VASH1: variants seen among roughly 807,000 people sequenced by gnomAD.
VASH1 encodes the protein tubulinyl-Tyr carboxypeptidase 1.
VASH1 carries 16 observed loss-of-function variants against 35.0 expected under a neutral mutation model. The ratio of observed to expected loss-of-function variants is 0.46; its 90% CI spans 0.31 to 0.70. VASH1 has a LOEUF of 0.70. VASH1 is among the 30% of genes least tolerant of loss of function. The pLI, the probability that VASH1 is intolerant of heterozygous loss-of-function variation, is 0.05. For synonymous variants in VASH1, 214 were observed against 200.9 expected, an observed-to-expected ratio of 1.07 and a Z score of -0.55; for missense variants, 505 against 510.7, an observed-to-expected ratio of 0.99 and a Z score of 0.11.
chr14:76,781,470 G>A lies in VASH1; in HGVS notation c.*2452G>A. On this transcript the variant is annotated 3_prime_UTR_variant, in exon 7 of 7. Transcript: ENST00000167106. The stretch of plus-strand genomic sequence containing the variant: ...GCTGCCGCTCAGGAGCAGGGGCGTG[G>A]CCTCAGCTGCCTCTGGGAGCTTCCC... 6.6e-6 allele frequency: 1 copy of A among 152,464 alleles called. No individual in the cohort carries two copies. Among genetic ancestry groups the A allele is most frequent in the Non-Finnish European group, 1.5e-5 (1 of 68,142 alleles). The allele number at this position is 152,464 out of a possible 1,614,324, so 9.4% of individuals were successfully genotyped here.
chr14:76,779,912 G>A lies in VASH1; in HGVS notation c.*894G>A, dbSNP rs879688605. 32 of 242,008 alleles carry A rather than the reference G, an allele frequency of 1.3e-4. No individual in the cohort carries two copies. The highest frequency in any genetic ancestry group is 8.4e-4 in the South Asian group (8 of 9,554). The allele number at this position is 242,008 out of a possible 1,614,324, so 15.0% of individuals were successfully genotyped here. The stretch of plus-strand genomic sequence containing the variant: ...GTGGCTGGACATGGGGTGATGGGGC[G>A]GGATGCTTGGGCCTGGGTCTCTCCG... On this transcript the variant is annotated 3_prime_UTR_variant, in exon 7 of 7. Transcript: ENST00000167106.
chr14:76,768,845 G>A (rs3783993), intron 1 of VASH1, among the ~76,000 whole-genome samples: 94,534 of 152,038 alleles, frequency 0.62, 30,324 homozygotes, highest in Non-Finnish European at 0.71. Flanking sequence ...GTGGAGGCTT[G>A]GGGGCAGGGG....
chr14:76,770,619 C>G (rs138899709), intron 2 of VASH1, among the ~76,000 whole-genome samples: 14 of 77,132 alleles, frequency 1.8e-4, no homozygotes, highest in African/African-American at 5.3e-4. Context: ...CCTGCTCTAG[C>G]CCCTGCACCC....
intron 3 of VASH1, 59 bp from the exon 4 acceptor site, chr14:76,773,078 A>C: frequency 6.4e-7 from 1 of 1,563,060 alleles, no homozygotes; most frequent in South Asian, 1.1e-5. Flanking sequence ...CCTCCTTCTC[A>C]CATTCCCCTG....
rs1249682709 is a variant in VASH1 at position 76,781,637 on chromosome 14, G to A, written c.*2619G>A. ...AAAATGAAGCCCTTACCTGCTTGCT[G>A]TCTGCAAGGGAGGGAGCCGAGCCCC... On this transcript the variant is annotated 3_prime_UTR_variant, in exon 7 of 7. Coordinates refer to ENST00000167106, the MANE Select transcript of VASH1 (RefSeq NM_014909.5). 1 of 152,518 alleles carries A rather than the reference G, an allele frequency of 6.6e-6. No homozygotes were observed. The highest frequency in any genetic ancestry group is 2.1e-4 in the South Asian group (1 of 4,838). 9.4% of individuals were successfully genotyped at this position (152,518 alleles called of 1,614,324 possible).
chr14:76,769,265 T>C, intron 1 of VASH1: 1 of 1,276,392 alleles, frequency 7.8e-7, no homozygotes, highest in South Asian at 1.3e-5. Context: ...ACTGTCTGGG[T>C]ACCTGGAAAC....
chr14:76,778,935 T>C lies in VASH1; in HGVS notation c.1026-11T>C. ...TCACTCTCCTCCCGCTCTGCTCTCTTCCTCCCACAGGCCCTCGGGTGACAA... is the reference window on the plus strand; with the variant it reads ...TCACTCTCCTCCCGCTCTGCTCTCTCCCTCCCACAGGCCCTCGGGTGACAA... On this transcript the variant is annotated splice_polypyrimidine_tract_variant and intron_variant, in intron 6 of 6. Transcript: ENST00000167106. The C allele has an allele frequency of 1.2e-6, 2 of 1,614,034 alleles. No homozygotes were observed.
At chr14:76,768,104 A>G (rs924690495) in intron 1 of VASH1, among the ~76,000 whole-genome samples, 2 of 152,250 alleles carry the variant, frequency 1.3e-5, no homozygotes, top group African/African-American at 4.8e-5. Flanking sequence ...AGGGGCTGCC[A>G]CCTGCAGAGA....
intron 1 of VASH1, chr14:76,769,498 C>A (rs1893732917): frequency 7.8e-7 from 1 of 1,288,152 alleles, no homozygotes; most frequent in African/African-American, 1.5e-5. Flanking sequence ...AGGATGCTCA[C>A]CCCCCTCAGG....
chr14:76,777,853 CGGGCCTTCCCCA>C (rs1893986093), intron 5 of VASH1, 94 bp from the exon 6 acceptor site: 5 of 764,706 alleles, frequency 6.5e-6, no homozygotes, highest in Non-Finnish European at 9.6e-6. Context: ...TGAGGTTCCC[CGGGCCTTCCCCA>C]GGGCAGCCTC....
chr14:76,763,198 A>C, intron 1 of VASH1, 68 bp downstream of exon 1: 1 of 1,329,230 alleles, frequency 7.5e-7, no homozygotes, highest in South Asian at 2.3e-5. Context: ...CCAAGAGTGA[A>C]GCCACACTCT....
At chr14:76,769,372 C>A in intron 1 of VASH1, 1 of 1,289,204 alleles carries the variant, frequency 7.8e-7, no homozygotes, top group South Asian at 1.2e-5. Context: ...ACAGCAAGAC[C>A]TGTTCCAAAA....
intron 6 of VASH1, 38 bp downstream of exon 6, chr14:76,778,109 G>T (rs1364474449): frequency 2.2e-6 from 3 of 1,370,846 alleles, no homozygotes; most frequent in East Asian, 3.1e-5. Context: ...TCCAAAGAGG[G>T]TTTTTTTCCT....
At chr14:76,769,818 C>T in intron 1 of VASH1, 145 bp from the exon 2 acceptor site, 4 of 815,526 alleles carry the variant, frequency 4.9e-6, no homozygotes, top group Non-Finnish European at 8.0e-6. Flanking sequence ...GAGTGGGGTG[C>T]CAAGAAAGGA....
chr14:76,762,743 T>C lies in VASH1; in HGVS notation c.-79T>C, dbSNP rs1314980690. ...CGCCTTGCACTCTGGCCATGTGTTA[T>C]CTCTGCAGCCGGTGTGTGGGAGGCC... is the stretch of plus-strand genomic sequence containing the variant. On this transcript the variant is annotated 5_prime_UTR_variant, in exon 1 of 7. Coordinates refer to ENST00000167106, the MANE Select transcript of VASH1 (RefSeq NM_014909.5). 1.5e-6 allele frequency: 2 copies of C among 1,329,236 alleles called. No homozygotes were observed. Among genetic ancestry groups the C allele is most frequent in the African/African-American group, 1.5e-5 (1 of 67,370 alleles). 82.3% of individuals were successfully genotyped at this position (1,329,236 alleles called of 1,614,324 possible). A position where few individuals can be genotyped will look rare whatever the true frequency, so the allele number is the denominator to read the frequency against.
rs958978998 is a variant in VASH1, at chr14:76,781,382, T to A, written c.*2364T>A. 11 of 152,202 alleles carry A rather than the reference T, an allele frequency of 7.2e-5. No homozygotes were observed. Among genetic ancestry groups the A allele is most frequent in the African/African-American group, 2.7e-4 (11 of 41,432 alleles). The allele number at this position is 152,202 out of a possible 1,614,324, so 9.4% of individuals were successfully genotyped here. On this transcript the variant is annotated 3_prime_UTR_variant, in exon 7 of 7. Transcript: ENST00000167106. ...GTGGTCTCCATGTTCCTACTATGCC[T>A]AAGAAGAGATGGCTCACCTTGGGAG...
chr14:76,771,773 C>G (rs149094211), intron 3 of VASH1, among the ~76,000 whole-genome samples: 2,062 of 150,128 alleles, frequency 0.014, 14 homozygotes, highest in Non-Finnish European at 0.021. Context: ...TGTTGCATCT[C>G]TCACTTCCCA....
In VASH1 at chr14:76,768,407, GT is replaced by G. The variant is rs1353193810; in HGVS notation, c.310-1554del. On this transcript the variant is annotated intron_variant, in intron 1 of 6. Transcript: ENST00000167106. Reference sequence around the variant, plus strand: ...CTCAGGAGCCAGGGCAGCCAGTGCGGTTGCTAGGGACTCCCCAGACAGGAAG... The same window carrying G: ...CTCAGGAGCCAGGGCAGCCAGTGCGGTGCTAGGGACTCCCCAGACAGGAAG... Among the ~76,000 whole-genome samples, 3 of 152,190 alleles carry G rather than the reference GT, an allele frequency of 2.0e-5. No individual in the cohort carries two copies. In the South Asian group the frequency reaches 6.2e-4, roughly 31 times the overall value.
intron 2 of VASH1, among the ~76,000 whole-genome samples, 167 bp downstream of exon 2, chr14:76,770,218 T>G (rs984015660): frequency 1.3e-4 from 20 of 152,174 alleles, no homozygotes; most frequent in African/African-American, 4.8e-4. Flanking sequence ...GCGGCGCGTG[T>G]GCCTCCTGGG....
Sources: gnomAD v4.1 joint callset for allele counts (sites outside exome capture counted in the v4.1 genomes callset) on GRCh38, gnomAD v4.1.1 for gene constraint, MANE v1.5 for transcripts, NCBI Gene and HGNC (gene_info 2026-07-23, HGNC 2026-07-21) for gene names.